The following TRIM44 variants were observed in gnomAD, a reference collection of about 807,000 sequenced individuals.
The protein encoded by TRIM44 is tripartite motif-containing protein 44.
Under a neutral mutation model 37.4 loss-of-function variants are expected in TRIM44, and 13 were observed. The observed-to-expected ratio is 0.35, with a 90% CI of 0.23 to 0.55. TRIM44 has a LOEUF of 0.55. Ranked by LOEUF, TRIM44 falls within the 20% of genes least tolerant of loss-of-function variation. The pLI, the probability that TRIM44 is intolerant of heterozygous loss-of-function variation, is 0.89. For missense variants in TRIM44, 426 were observed against 437.2 expected, an observed-to-expected ratio of 0.97 and a Z score of 0.23; for synonymous variants, 175 against 157.2, an observed-to-expected ratio of 1.11 and a Z score of -0.85.
intron 4 of TRIM44, among the ~76,000 whole-genome samples, chr11:35,777,873 C>T (rs1301942356): frequency 1.3e-5 from 2 of 152,210 alleles, no homozygotes; most frequent in Non-Finnish European, 2.9e-5. Context: ...ACCTTTCTCT[C>T]TGGCTGCCCT....
Position 35,662,951 on chromosome 11 carries a change from G to A in TRIM44, c.-161G>A, listed in dbSNP as rs927635191. On this transcript the variant is annotated 5_prime_UTR_variant, in exon 1 of 5. Coordinates refer to ENST00000299413, the MANE Select transcript of TRIM44 (RefSeq NM_017583.6). ...GGTCTTTGCTGCTGCGCCCGGGCAG[G>A]GGCTGCCGCGGCCCCAGGTCCCGCT... 7.9e-7 allele frequency: 1 copy of A among 1,260,994 alleles called. No individual in the cohort carries two copies. Among genetic ancestry groups the A allele is most frequent in the Non-Finnish European group, 1.0e-6 (1 of 971,664 alleles). The allele number at this position is 1,260,994 out of a possible 1,614,324, so 78.1% of individuals were successfully genotyped here. A position where few individuals can be genotyped will look rare whatever the true frequency, so the allele number is the denominator to read the frequency against.
Position 35,718,845 on chromosome 11 carries a change from C to T in TRIM44, c.748-7079C>T, listed in dbSNP as rs11033257. On this transcript the variant is annotated intron_variant, in intron 2 of 4. Coordinates refer to ENST00000299413, the MANE Select transcript of TRIM44 (RefSeq NM_017583.6). ...TTGGCTTCTTTCACATAGTAATATA[C>T]ACTTAAGATTCTCTCATGTATGTTC... 0.014 allele frequency among the ~76,000 whole-genome samples: 2,092 copies of T among 151,350 alleles called. 115 individuals are homozygous for T. In the East Asian group the frequency reaches 0.14, roughly 10 times the overall value.
intron 4 of TRIM44, among the ~76,000 whole-genome samples, chr11:35,802,978 T>A (rs1853389589): frequency 6.6e-6 from 1 of 152,168 alleles, no homozygotes; most frequent in Admixed American, 6.5e-5. Context: ...AGGCAGGTTT[T>A]TATTCAGGAT....
intron 2 of TRIM44, among the ~76,000 whole-genome samples, chr11:35,725,138 T>C (rs1852157961): frequency 6.7e-6 from 1 of 149,544 alleles, no homozygotes; most frequent in Non-Finnish European, 1.5e-5. Flanking sequence ...ATAGTAAAAA[T>C]AGTAGAATGA....
At chr11:35,779,161 C>T (rs1853022893) in intron 4 of TRIM44, among the ~76,000 whole-genome samples, 1 of 152,236 alleles carries the variant, frequency 6.6e-6, no homozygotes, top group South Asian at 2.1e-4. Flanking sequence ...CTCCCCCAGC[C>T]TTGCTGCCAC....
At chr11:35,801,843 T>C (rs1465462346) in intron 4 of TRIM44, among the ~76,000 whole-genome samples, 1 of 152,170 alleles carries the variant, frequency 6.6e-6, no homozygotes, top group Non-Finnish European at 1.5e-5. Flanking sequence ...ATTTAGGAGC[T>C]CCCAGTTCCT....
In TRIM44 at chr11:35,768,758, C is replaced by T. The variant is rs1287826643; in HGVS notation, c.1007+33313C>T. On this transcript the variant is annotated intron_variant, in intron 4 of 4. Transcript: ENST00000299413. ...AAAACTAATTAAACACTCAAAAATG[C>T]TTTTGGTTAGACAAAGTCTTTCAGA... 2.0e-5 allele frequency among the ~76,000 whole-genome samples: 3 copies of T among 152,100 alleles called. No individual in the cohort carries two copies. The East Asian group carries it at 5.8e-4, about 29-fold the overall frequency.
intron 2 of TRIM44, among the ~76,000 whole-genome samples, chr11:35,689,624 A>G (rs1317752540): frequency 6.6e-6 from 1 of 152,136 alleles, no homozygotes; most frequent in Non-Finnish European, 1.5e-5. Context: ...TTAAAATGTA[A>G]TCAGTCAGGG....
At chr11:35,741,585 G>A (rs1590559288) in intron 4 of TRIM44, among the ~76,000 whole-genome samples, 1 of 151,990 alleles carries the variant, frequency 6.6e-6, no homozygotes, top group African/African-American at 2.4e-5. Flanking sequence ...GGGCCCAAGA[G>A]GAAGGGGCAT....
At chr11:35,768,361 TGTTGAAGGTCACACAGCTA>T (rs888894617) in intron 4 of TRIM44, among the ~76,000 whole-genome samples, 1 of 152,194 alleles carries the variant, frequency 6.6e-6, no homozygotes, top group African/African-American at 2.4e-5. Flanking sequence ...CTAAATAATT[TGTTGAAGGTCACACAGCTA>T]GTTGAAGGTC....
intron 2 of TRIM44, among the ~76,000 whole-genome samples, chr11:35,699,857 A>G (rs1851760401): frequency 6.6e-6 from 1 of 152,142 alleles, no homozygotes; most frequent in Admixed American, 6.6e-5. Flanking sequence ...CAATTGCTTC[A>G]AAGAGACTAA....
intron 3 of TRIM44, among the ~76,000 whole-genome samples, chr11:35,734,120 C>G (rs1276687283): frequency 6.6e-6 from 1 of 152,126 alleles, no homozygotes; most frequent in African/African-American, 2.4e-5. Flanking sequence ...CTGCCTGTTT[C>G]TCATGCTCCT....
chr11:35,679,903 A>G (rs1388435007), intron 1 of TRIM44, among the ~76,000 whole-genome samples: 3 of 152,202 alleles, frequency 2.0e-5, no homozygotes, highest in Non-Finnish European at 2.9e-5. Context: ...CCAAGCTCAC[A>G]CAAGCAGTTG....
At chr11:35,669,195 C>T (rs1220994093) in intron 1 of TRIM44, among the ~76,000 whole-genome samples, 1 of 152,190 alleles carries the variant, frequency 6.6e-6, no homozygotes, top group Non-Finnish European at 1.5e-5. Context: ...GAGTTTGATT[C>T]TGCTAAGGCC....
intron 2 of TRIM44, among the ~76,000 whole-genome samples, chr11:35,686,074 C>T (rs1369542295): frequency 6.6e-6 from 1 of 152,110 alleles, no homozygotes; most frequent in Admixed American, 6.5e-5. Flanking sequence ...AGCTGCCACT[C>T]AGAATACTTT....
At chr11:35,790,048 G>C (rs1225099339) in intron 4 of TRIM44, among the ~76,000 whole-genome samples, 1 of 152,150 alleles carries the variant, frequency 6.6e-6, no homozygotes, top group South Asian at 2.1e-4. Context: ...AGGGCAAAAT[G>C]TGTCTTTAAT....
intron 4 of TRIM44, among the ~76,000 whole-genome samples, chr11:35,796,225 T>C (rs985488313): frequency 7.3e-5 from 11 of 150,964 alleles, no homozygotes; most frequent in Non-Finnish European, 1.0e-4. Flanking sequence ...TGTGTGTGTG[T>C]GCGCGCGCGC....
chr11:35,760,188 A>T (rs1011465612), intron 4 of TRIM44, among the ~76,000 whole-genome samples: 1 of 152,164 alleles, frequency 6.6e-6, no homozygotes, highest in Non-Finnish European at 1.5e-5. Context: ...AAGCCTCGGT[A>T]ATGGCAGGTG....
At chr11:35,685,385 T>G in intron 2 of TRIM44, 49 bp downstream of exon 2, 1 of 1,510,828 alleles carries the variant, frequency 6.6e-7, no homozygotes, top group Non-Finnish European at 9.2e-7. Context: ...AAGCATTTCA[T>G]TCTCCTTGAG....
Sources: gnomAD v4.1 joint callset for allele counts (sites outside exome capture counted in the v4.1 genomes callset) on GRCh38, gnomAD v4.1.1 for gene constraint, MANE v1.5 for transcripts, NCBI Gene and HGNC (gene_info 2026-07-23, HGNC 2026-07-21) for gene names.